The following SORCS1 variants were observed in gnomAD, a reference collection of about 807,000 sequenced individuals.
The protein encoded by SORCS1 is sortilin related VPS10 domain containing receptor 1.
SORCS1 carries 60 observed loss-of-function variants against 146.1 expected under a neutral mutation model. The ratio of observed to expected loss-of-function variants is 0.41; its 90% confidence interval spans 0.33 to 0.51. SORCS1 has a LOEUF of 0.51. Among genes scored for constraint, SORCS1 ranks in the 20% least tolerant of loss-of-function variants. SORCS1 has a pLI of 0.21. For synonymous variants in SORCS1, 637 were observed against 584.0 expected (o/e 1.09, Z -1.31); for missense variants, 1,352 against 1,487.6 (o/e 0.91, Z 1.50).
chr10:106,958,022 A>G (rs1398358032), intron 1 of SORCS1, among the ~76,000 whole-genome samples: 1 of 152,132 alleles, frequency 6.6e-6, no homozygotes, highest in African/African-American at 2.4e-5. Flanking sequence ...GTCACACCAA[A>G]ACCCTTCCCG....
intron 18 of SORCS1, among the ~76,000 whole-genome samples, chr10:106,645,067 T>C (rs1219987287): frequency 6.6e-6 from 1 of 151,976 alleles, no homozygotes; most frequent in Non-Finnish European, 1.5e-5. Context: ...TGGCAGTATG[T>C]ATCTACACTC....
At chr10:106,705,937 G>A (rs1854485171) in intron 8 of SORCS1, among the ~76,000 whole-genome samples, 1 of 152,188 alleles carries the variant, frequency 6.6e-6, no homozygotes, top group South Asian at 2.1e-4. Context: ...AGTCTCATAA[G>A]TTTACAGGGA....
intron 19 of SORCS1, among the ~76,000 whole-genome samples, chr10:106,623,837 C>T (rs1847907401): frequency 6.6e-6 from 1 of 151,678 alleles, no homozygotes; most frequent in African/African-American, 2.4e-5. Flanking sequence ...GGCTAATTTT[C>T]GACATCCGGC....
At chr10:106,630,820 C>T (rs554529702) in intron 18 of SORCS1, among the ~76,000 whole-genome samples, 4 of 151,250 alleles carry the variant, frequency 2.6e-5, no homozygotes, top group Admixed American at 6.6e-5. Flanking sequence ...GAAGAAGATA[C>T]ATTCTGCATT....
chr10:106,726,425 C>T lies in SORCS1; in HGVS notation c.1024+3625G>A, dbSNP rs558664245. 1.5e-3 allele frequency among the ~76,000 whole-genome samples: 199 copies of T among 136,574 alleles called. 2 individuals are homozygous for T. Among genetic ancestry groups the T allele is most frequent in the Non-Finnish European group, 2.4e-3 (159 of 64,996 alleles). 89.6% of individuals were successfully genotyped at this position (136,574 alleles called of 152,430 possible). ...AAAATTAGAACTGATACATTTCATG[C>T]TTTGTGAAAGCTAAGCCTGAGATGA... On this transcript the variant is annotated intron_variant, in intron 6 of 25. Transcript: ENST00000263054.
chr10:106,910,283 TTGTGTG>T (rs141789814), intron 2 of SORCS1, among the ~76,000 whole-genome samples: 14 of 146,124 alleles, frequency 9.6e-5, no homozygotes, highest in East Asian at 8.1e-4. Flanking sequence ...TCTCTTTACA[TTGTGTG>T]TGTGTGTGTG....
At chr10:106,631,261 A>C (rs1460998068) in intron 18 of SORCS1, among the ~76,000 whole-genome samples, 2 of 152,224 alleles carry the variant, frequency 1.3e-5, no homozygotes, top group Non-Finnish European at 2.9e-5. Flanking sequence ...TAGGGTAAAC[A>C]GAGAAATTCC....
intron 10 of SORCS1, among the ~76,000 whole-genome samples, chr10:106,681,076 T>C (rs904961699): frequency 6.6e-6 from 1 of 152,218 alleles, no homozygotes; most frequent in Admixed American, 6.5e-5. Context: ...GTTTTGACTT[T>C]ATAATGTTCT....
chr10:106,667,799 G>C lies in SORCS1; in HGVS notation c.2193C>G (p.Asp731Glu). The C allele has an allele frequency of 6.2e-7, 1 of 1,613,342 alleles. No homozygotes were observed. The highest frequency in any genetic ancestry group is 8.5e-7 in the Non-Finnish European group (1 of 1,179,648). Residue 731 changes from aspartate (D) to glutamate (E), a missense_variant, in exon 17 of 26, where the codon GAC becomes GAG. Physicochemically the swap from Asp to Glu is conservative, Grantham distance 45. Transcript: ENST00000263054. ...CATTGCTGTGTCGCTCATAACCATAGTCGCTGTTAGGAAAGAGCCGAGAAA... is the reference window on the plus strand; with the variant it reads ...CATTGCTGTGTCGCTCATAACCATACTCGCTGTTAGGAAAGAGCCGAGAAA... ...CVCTEADFDC[D>E]YGYERHSNGQ...
At chr10:106,947,099 A>C (rs1954384018) in intron 2 of SORCS1, among the ~76,000 whole-genome samples, 1 of 152,174 alleles carries the variant, frequency 6.6e-6, no homozygotes, top group Non-Finnish European at 1.5e-5. Flanking sequence ...ATACACTGAG[A>C]TCAAGACATC....
chr10:107,178,098 T>C, the SORCS1 span, among the ~76,000 whole-genome samples: 1 of 152,170 alleles, frequency 6.6e-6, no homozygotes, highest in Non-Finnish European at 1.5e-5. Context: ...CAAATCACCA[T>C]AGCACACTTT....
chr10:106,596,061 A>C (rs1457956526), intron 24 of SORCS1, among the ~76,000 whole-genome samples: 1 of 152,200 alleles, frequency 6.6e-6, no homozygotes, highest in Admixed American at 6.5e-5. Flanking sequence ...AGACATACAG[A>C]AGTTAAATGT....
intron 6 of SORCS1, among the ~76,000 whole-genome samples, chr10:106,719,836 A>G (rs551969897): frequency 3.9e-5 from 6 of 152,330 alleles, no homozygotes; most frequent in African/African-American, 1.4e-4. Context: ...ATAAAGACAG[A>G]TGACACGTTT....
chr10:106,982,047 A>G lies in SORCS1; in HGVS notation c.559-25467T>C, dbSNP rs185206376. Among the ~76,000 whole-genome samples the G allele has an allele frequency of 1.1e-4, 16 of 152,326 alleles. No homozygotes were observed. In the East Asian group the frequency reaches 2.1e-3, roughly 20 times the overall value. On this transcript the variant is annotated intron_variant, in intron 1 of 25. Coordinates refer to ENST00000263054, the MANE Select transcript of SORCS1 (RefSeq NM_052918.5). ...ACCAAGAATCAGGCATCCATACATTAGCCGAGGCACAGTAATTATTTCTGT... is the reference window on the plus strand; with the variant it reads ...ACCAAGAATCAGGCATCCATACATTGGCCGAGGCACAGTAATTATTTCTGT...
intron 2 of SORCS1, among the ~76,000 whole-genome samples, chr10:106,889,849 T>TACTCCAGC (rs1469528479): frequency 2.2e-5 from 3 of 137,426 alleles, no homozygotes; most frequent in Admixed American, 7.5e-5. Flanking sequence ...CGCGCCACTG[T>TACTCCAGC]ACTCCAGCCT....
intron 2 of SORCS1, among the ~76,000 whole-genome samples, chr10:106,912,043 G>A (rs1952186088): frequency 6.6e-6 from 1 of 151,376 alleles, no homozygotes; most frequent in Non-Finnish European, 1.5e-5. Flanking sequence ...AACCCAAGAG[G>A]TGGAGCTTAC....
Position 106,961,229 on chromosome 10 carries a change from C to T in SORCS1, c.559-4649G>A, listed in dbSNP as rs930373362. Among the ~76,000 whole-genome samples the T allele has an allele frequency of 2.6e-5, 4 of 152,300 alleles. No homozygotes were observed. The East Asian group carries it at 7.7e-4, about 29-fold the overall frequency. On this transcript the variant is annotated intron_variant, in intron 1 of 25. Transcript: ENST00000263054. ...ACAGGTATGCGTTGAAATGAACTAACCTGCCAGCAGCATAAGACAGGCAGT... is the reference window on the plus strand; with the variant it reads ...ACAGGTATGCGTTGAAATGAACTAATCTGCCAGCAGCATAAGACAGGCAGT...
intron 2 of SORCS1, among the ~76,000 whole-genome samples, chr10:106,896,631 T>C (rs1402422533): frequency 6.6e-6 from 1 of 151,776 alleles, no homozygotes; most frequent in African/African-American, 2.4e-5. Flanking sequence ...GGAATTAAGA[T>C]GGTTAATTTT....
chr10:107,166,777 C>A (rs377036641), upstream of SORCS1, among the ~76,000 whole-genome samples: 1 of 152,180 alleles, frequency 6.6e-6, no homozygotes, highest in Non-Finnish European at 1.5e-5. Flanking sequence ...AAAGGAAAAG[C>A]AGATTAAAGA....
Sources: allele counts gnomAD v4.1 joint callset (sites outside exome capture counted in the v4.1 genomes callset), GRCh38; gene constraint gnomAD v4.1.1; transcripts MANE v1.5; gene names NCBI Gene and HGNC (gene_info 2026-07-23, HGNC 2026-07-21).